The following OPHN1 variants were observed in gnomAD, a reference collection of about 807,000 sequenced individuals.
OPHN1 encodes oligophrenin 1.
A neutral mutation model predicts 60.7 loss-of-function variants in OPHN1; 11 were observed. The ratio of observed to expected loss-of-function variants is 0.18; its 90% confidence interval spans 0.11 to 0.30. The LOEUF (loss-of-function observed/expected upper bound fraction) is 0.30, where lower values mean the gene tolerates loss of function less well. OPHN1 is among the 10% of genes least tolerant of loss of function. The pLI is 1.00. For missense variants in OPHN1, 449 were observed against 611.0 expected (o/e 0.73, Z 2.80); for synonymous variants, 226 against 222.6 (o/e 1.02, Z -0.14).
chrX:68,338,800 C>T (rs903682289), intron 2 of OPHN1, among the ~76,000 whole-genome samples: 23 of 111,189 alleles, frequency 2.1e-4, no homozygotes, highest in Non-Finnish European at 3.8e-4. Context: ...AAATTCTGGG[C>T]GCAGTGGCTC....
intron 6 of OPHN1, among the ~76,000 whole-genome samples, chrX:68,215,204 G>C (rs1259801267): frequency 9.0e-6 from 1 of 110,539 alleles, no homozygotes; most frequent in East Asian, 2.8e-4. Context: ...GGGTTCACCA[G>C]TAGATTGAAC....
In OPHN1 at chrX:68,235,132, A is replaced by T. The variant is rs1288433623; in HGVS notation, c.385-544T>A. 2.9e-4 allele frequency among the ~76,000 whole-genome samples: 32 copies of T among 112,161 alleles called. No homozygotes were observed. In the Admixed American group the frequency reaches 3.0e-3, roughly 11 times the overall value. On this transcript the variant is annotated intron_variant, in intron 5 of 24. Transcript: ENST00000355520. ...AAAAGCTGATATTAAAAACAGAGAA[A>T]AAAAATCCTGGAAAGTTTAACTAGA...
At chrX:68,197,927 A>C (rs187649366) in intron 11 of OPHN1, among the ~76,000 whole-genome samples, 42 of 111,423 alleles carry the variant, frequency 3.8e-4, no homozygotes, top group African/African-American at 1.3e-3. Context: ...ATTTCACAGA[A>C]GGGGAAACTG....
At chrX:68,402,417 A>AAAAGAGAAGGAAGAGAAGG (rs2078720565) in intron 2 of OPHN1, among the ~76,000 whole-genome samples, 1 of 110,922 alleles carries the variant, frequency 9.0e-6, no homozygotes, top group African/African-American at 3.3e-5. Flanking sequence ...GGAAGAGAAG[A>AAAAGAGAAGGAAGAGAAGG]AAAGAGAAGA....
intron 23 of OPHN1, 21 bp from the exon 24 acceptor site, chrX:68,048,478 T>C: frequency 3.3e-6 from 4 of 1,196,404 alleles, no homozygotes; most frequent in Non-Finnish European, 4.5e-6. Context: ...AGAAAGACGT[T>C]TCACTAAGAT....
At position 68,192,958 on chromosome X, in the gene OPHN1, T is replaced by G; in HGVS notation, c.1237A>C (p.Ser413Arg). 1 of 1,211,241 alleles carries G rather than the reference T, an allele frequency of 8.3e-7. No individual in the cohort carries two copies. Among genetic ancestry groups the G allele is most frequent in the Non-Finnish European group, 1.1e-6 (1 of 894,916 alleles). ...KTEGLYRTVG[S>R]NIQVQKLLNA... ...AGCAGCTTCTGAACCTGAATATTGC[T>G]GCCCACAGTGCGGTACAACCCTTCT... The change falls in exon 15 of 25, where the codon AGC becomes CGC. Residue 413 changes from serine to arginine, a missense_variant. Transcript: ENST00000355520.
At chrX:68,077,313 G>A (rs1004075507) in intron 19 of OPHN1, among the ~76,000 whole-genome samples, 3 of 110,963 alleles carry the variant, frequency 2.7e-5, no homozygotes, top group African/African-American at 9.8e-5. Flanking sequence ...AAATAGGCAA[G>A]ACCTCTGATC....
At chrX:68,412,163 C>T (rs1306872904) in intron 2 of OPHN1, among the ~76,000 whole-genome samples, 1 of 111,348 alleles carries the variant, frequency 9.0e-6, no homozygotes, top group Non-Finnish European at 1.9e-5. Context: ...CAAGGGAGGG[C>T]CTCAGAAAAA....
intron 2 of OPHN1, among the ~76,000 whole-genome samples, chrX:68,431,295 G>T (rs1319616273): frequency 8.9e-6 from 1 of 112,218 alleles, no homozygotes; most frequent in Non-Finnish European, 1.9e-5. Context: ...AACTTCGACA[G>T]TGTACATATT....
intron 2 of OPHN1, among the ~76,000 whole-genome samples, chrX:68,321,199 T>A (rs1480423000): frequency 8.9e-6 from 1 of 111,776 alleles, no homozygotes; most frequent in Non-Finnish European, 1.9e-5. Flanking sequence ...TGCCTTAGTC[T>A]TTATGGTGAC....
Position 68,179,113 on chromosome X carries a change from G to T in OPHN1, c.1276+13806C>A, listed in dbSNP as rs1431972726. ...TTTAGACCTAGGTATTTTATGTTTG[G>T]TTAATTTCTTCAAAGGGAATTTTTC... On this transcript the variant is annotated intron_variant, in intron 15 of 24. Coordinates refer to ENST00000355520, the MANE Select transcript of OPHN1 (RefSeq NM_002547.3). Among the ~76,000 whole-genome samples, 3 of 111,599 alleles carry T rather than the reference G, an allele frequency of 2.7e-5. No individual in the cohort carries two copies. The Admixed American group carries it at 2.9e-4, about 11-fold the overall frequency.
chrX:68,328,222 G>A (rs1257371686), intron 2 of OPHN1, among the ~76,000 whole-genome samples: 4 of 104,866 alleles, frequency 3.8e-5, no homozygotes, highest in Non-Finnish European at 7.7e-5. Flanking sequence ...TCCGCCTCCC[G>A]GGTTCACGCT....
chrX:68,231,664 T>C (rs1469445309), intron 6 of OPHN1, among the ~76,000 whole-genome samples: 1 of 111,463 alleles, frequency 9.0e-6, no homozygotes, highest in Admixed American at 9.6e-5. Context: ...AAACCTTAAA[T>C]GCATCTTGCT....
intron 19 of OPHN1, among the ~76,000 whole-genome samples, chrX:68,092,601 G>C (rs2077022849): frequency 9.0e-6 from 1 of 111,577 alleles, no homozygotes; most frequent in Non-Finnish European, 1.9e-5. Flanking sequence ...GGTTACAACG[G>C]TGTGAAAATC....
At chrX:68,229,468 C>A (rs768607251) in intron 6 of OPHN1, among the ~76,000 whole-genome samples, 2 of 111,489 alleles carry the variant, frequency 1.8e-5, no homozygotes, top group African/African-American at 6.5e-5. Flanking sequence ...AATCCTAAGC[C>A]AAAAGAGCAA....
intron 20 of OPHN1, among the ~76,000 whole-genome samples, chrX:68,064,809 AT>A (rs2147361105): frequency 8.9e-6 from 1 of 111,853 alleles, no homozygotes; most frequent in Non-Finnish European, 1.9e-5. Context: ...TTGAAAACTA[AT>A]TTTTTAGTGA....
At chrX:68,304,496 T>C (rs2078136141) in intron 2 of OPHN1, among the ~76,000 whole-genome samples, 3 of 111,596 alleles carry the variant, frequency 2.7e-5, no homozygotes, top group African/African-American at 9.8e-5. Flanking sequence ...CATTTTATAA[T>C]TGAGTTGTCT....
chrX:68,152,135 G>C lies in OPHN1; in HGVS notation c.1277-32803C>G, dbSNP rs775931058. ...TCCATGATCCAATCACCTCCCATGAGGCCCCACCTCCAACATTGTAGATTA... is the reference window on the plus strand; with the variant it reads ...TCCATGATCCAATCACCTCCCATGACGCCCCACCTCCAACATTGTAGATTA... On this transcript the variant is annotated intron_variant, in intron 15 of 24. Coordinates refer to ENST00000355520, the MANE Select transcript of OPHN1 (RefSeq NM_002547.3). Among the ~76,000 whole-genome samples, 4 of 111,022 alleles carry C rather than the reference G, an allele frequency of 3.6e-5. No individual in the cohort carries two copies. In the East Asian group the frequency reaches 1.1e-3, roughly 32 times the overall value.
At chrX:68,258,819 G>C (rs762447344) in intron 5 of OPHN1, among the ~76,000 whole-genome samples, 1 of 111,531 alleles carries the variant, frequency 9.0e-6, no homozygotes, top group African/African-American at 3.3e-5. Flanking sequence ...TCTTCCACCA[G>C]TGACTGCTTC....
Sources: gnomAD v4.1 joint callset for allele counts (sites outside exome capture counted in the v4.1 genomes callset) on GRCh38, gnomAD v4.1.1 for gene constraint, MANE v1.5 for transcripts, NCBI Gene and HGNC (gene_info 2026-07-23, HGNC 2026-07-21) for gene names.